DSCAM: variants seen among roughly 807,000 people sequenced by gnomAD.
DSCAM encodes the protein cell adhesion molecule DSCAM.
DSCAM carries 47 observed loss-of-function variants against 217.7 expected under a neutral mutation model. That is an observed-to-expected ratio of 0.22 (90% CI 0.17 to 0.28). The LOEUF (loss-of-function observed/expected upper bound fraction) is 0.28. DSCAM is among the 10% of genes least tolerant of loss of function. The probability of loss-of-function intolerance (pLI) is 1.00; values close to 1 mark genes in which losing one functional copy is unlikely to be tolerated. For missense variants in DSCAM, 2,080 were observed against 2,618.3 expected, an observed-to-expected ratio of 0.79 and a Z score of 4.49; for synonymous variants, 1,056 against 1,015.3, an observed-to-expected ratio of 1.04 and a Z score of -0.76.
chr21:40,365,098 T>C (rs2074817648), intron 4 of DSCAM, among the ~76,000 whole-genome samples: 1 of 151,932 alleles, frequency 6.6e-6, no homozygotes, highest in Admixed American at 6.6e-5. Context: ...AATGTGATGA[T>C]TAATATTGAG....
At chr21:40,163,569 A>G (rs767740910) in intron 16 of DSCAM, among the ~76,000 whole-genome samples, 2 of 151,998 alleles carry the variant, frequency 1.3e-5, no homozygotes, top group African/African-American at 2.4e-5. Context: ...TTCATCTTGC[A>G]TAATATAGAC....
At chr21:40,389,509 A>G (rs1474821582) in intron 3 of DSCAM, among the ~76,000 whole-genome samples, 5 of 152,224 alleles carry the variant, frequency 3.3e-5, no homozygotes, top group Admixed American at 3.3e-4. Context: ...TTTTATCATT[A>G]ATACTGTCCA....
chr21:40,029,969 G>C lies in DSCAM; in HGVS notation c.5686+12402C>G, dbSNP rs1486505970. 2.0e-5 allele frequency among the ~76,000 whole-genome samples: 3 copies of C among 152,228 alleles called. No homozygotes were observed. In the East Asian group the frequency reaches 5.8e-4, roughly 29 times the overall value. On this transcript the variant is annotated intron_variant, in intron 32 of 32. Transcript: ENST00000400454. ...TTATACTAAGGGTCTCCTTTCAAAT[G>C]CAAGTCTCTTTGATGCCTACACGTG...
chr21:40,357,064 A>T (rs549803856), intron 4 of DSCAM, among the ~76,000 whole-genome samples: 1 of 152,022 alleles, frequency 6.6e-6, no homozygotes, highest in Non-Finnish European at 1.5e-5. Context: ...AGCTTCCAGG[A>T]CTCCTCTAAT....
At chr21:40,747,470 T>C (rs2091186736) in intron 1 of DSCAM, among the ~76,000 whole-genome samples, 1 of 151,806 alleles carries the variant, frequency 6.6e-6, no homozygotes, top group East Asian at 1.9e-4. Flanking sequence ...AATGAGTAAA[T>C]TTTGGACAGA....
At chr21:40,063,251 C>T (rs1601288973) in intron 27 of DSCAM, among the ~76,000 whole-genome samples, 1 of 152,190 alleles carries the variant, frequency 6.6e-6, no homozygotes, top group East Asian at 1.9e-4. Context: ...TTACGTTGAA[C>T]AAACCCATGC....
chr21:40,392,460 G>T (rs765310), intron 3 of DSCAM, among the ~76,000 whole-genome samples: 102,523 of 152,056 alleles, frequency 0.67, 35,447 homozygotes, highest in African/African-American at 0.82. Context: ...TGGTACTCCT[G>T]TAAAGCATAT....
At chr21:40,712,873 GAT>G (rs1465914119) in intron 1 of DSCAM, among the ~76,000 whole-genome samples, 2 of 152,144 alleles carry the variant, frequency 1.3e-5, no homozygotes, top group African/African-American at 2.4e-5. Context: ...GCGAGGTCCT[GAT>G]ATAGAGAGAT....
chr21:40,012,816 A>G lies in DSCAM; in HGVS notation c.*218T>C, dbSNP rs1326405142. On this transcript the variant is annotated 3_prime_UTR_variant, in exon 33 of 33. Transcript: ENST00000400454. The stretch of plus-strand genomic sequence containing the variant: ...GATCATAAAACTGGACTTCTTTCCC[A>G]AAAAATCAGATGCCCAGGCGGATGG... The G allele has an allele frequency of 8.5e-6, 3 of 354,950 alleles. No individual in the cohort carries two copies. The highest frequency in any genetic ancestry group is 1.5e-5 in the Non-Finnish European group (3 of 203,670). 22.0% of individuals were successfully genotyped at this position (354,950 alleles called of 1,614,324 possible).
intron 3 of DSCAM, among the ~76,000 whole-genome samples, chr21:40,644,684 TG>T (rs1387256318): frequency 1.3e-5 from 2 of 152,224 alleles, no homozygotes; most frequent in Non-Finnish European, 2.9e-5. Flanking sequence ...GCTCTTGAGC[TG>T]CTTGCTTGAG....
At chr21:40,114,577 C>T (rs1234429228) in intron 20 of DSCAM, among the ~76,000 whole-genome samples, 1 of 152,094 alleles carries the variant, frequency 6.6e-6, no homozygotes, top group Non-Finnish European at 1.5e-5. Context: ...TCTAATTAAA[C>T]TAAAGAGCTT....
chr21:40,794,674 A>T (rs529659594), intron 1 of DSCAM, among the ~76,000 whole-genome samples: 133 of 151,222 alleles, frequency 8.8e-4, no homozygotes, highest in Non-Finnish European at 1.6e-3. Context: ...TAGGCCTTTA[A>T]CATGCACTGT....
At chr21:40,624,712 GA>G (rs1279609457) in intron 3 of DSCAM, among the ~76,000 whole-genome samples, 1 of 152,022 alleles carries the variant, frequency 6.6e-6, no homozygotes, top group African/African-American at 2.4e-5. Flanking sequence ...GGCCAAAAAA[GA>G]AAAAAGAAAT....
At chr21:40,546,547 G>A (rs1446516514) in intron 3 of DSCAM, among the ~76,000 whole-genome samples, 2 of 152,198 alleles carry the variant, frequency 1.3e-5, no homozygotes, top group Admixed American at 6.5e-5. Context: ...CACCAGCTAT[G>A]GCTTCGCCCA....
At chr21:40,668,655 T>C (rs2090232144) in intron 3 of DSCAM, among the ~76,000 whole-genome samples, 3 of 152,200 alleles carry the variant, frequency 2.0e-5, no homozygotes, top group Admixed American at 2.0e-4. Context: ...TCCTGGGTGA[T>C]TCATGTGCAC....
chr21:40,141,883 C>A (rs1056967843), intron 18 of DSCAM, among the ~76,000 whole-genome samples: 3 of 151,598 alleles, frequency 2.0e-5, no homozygotes, highest in Admixed American at 1.3e-4. Context: ...CTGCAAGAAA[C>A]TTGTGGCCCC....
intron 1 of DSCAM, among the ~76,000 whole-genome samples, chr21:40,756,757 C>T (rs1328197645): frequency 2.6e-5 from 4 of 152,154 alleles, no homozygotes; most frequent in Admixed American, 2.0e-4. Flanking sequence ...CATATTTTAA[C>T]TTCTTTTATC....
At chr21:40,245,817 G>A (rs1349421072) in intron 11 of DSCAM, among the ~76,000 whole-genome samples, 1 of 152,154 alleles carries the variant, frequency 6.6e-6, no homozygotes, top group Non-Finnish European at 1.5e-5. Flanking sequence ...ATCTAGCCAG[G>A]AGGAGGAACG....
At chr21:40,203,300 T>C (rs2178850) in intron 11 of DSCAM, among the ~76,000 whole-genome samples, 13,844 of 152,320 alleles carry the variant, frequency 0.091, 962 homozygotes, top group African/African-American at 0.19. Context: ...CTACCATACA[T>C]GTATAGTACC....
Sources: allele counts gnomAD v4.1 joint callset (sites outside exome capture counted in the v4.1 genomes callset), GRCh38; gene constraint gnomAD v4.1.1; transcripts MANE v1.5; gene names NCBI Gene and HGNC (gene_info 2026-07-23, HGNC 2026-07-21).